The following COX6A1 variants were observed in gnomAD, a reference collection of about 807,000 sequenced individuals.
COX6A1 encodes cytochrome c oxidase subunit 6A1, also known as cytochrome c oxidase subunit 6A1, mitochondrial.
A neutral mutation model predicts 11.3 loss-of-function variants in COX6A1; 10 were observed. The ratio of observed to expected loss-of-function variants is 0.88; its 90% CI spans 0.54 to 1.50. The LOEUF (loss-of-function observed/expected upper bound fraction) is 1.50, where lower values mean the gene tolerates loss of function less well. Among genes scored for constraint, COX6A1 ranks in the 40% most tolerant of loss-of-function variants. The pLI, the probability that COX6A1 is intolerant of heterozygous loss-of-function variation, is 0.00. For synonymous variants in COX6A1, 81 were observed against 60.6 expected, an observed-to-expected ratio of 1.34 and a Z score of -1.57; for missense variants, 149 against 147.6, an observed-to-expected ratio of 1.01 and a Z score of -0.05.
intron 2 of COX6A1, 110 bp downstream of exon 2, chr12:120,438,631 T>G (rs964253250): frequency 2.1e-6 from 3 of 1,448,266 alleles, no homozygotes; most frequent in Non-Finnish European, 1.9e-6. Context: ...ACAGCTTGTT[T>G]ATCCTCACAA....
intron 2 of COX6A1, among the ~76,000 whole-genome samples, chr12:120,439,686 T>C (rs910994571): frequency 6.6e-6 from 1 of 152,208 alleles, no homozygotes; most frequent in East Asian, 1.9e-4. Flanking sequence ...GTTGAGTCTT[T>C]GAGCGGCACT....
Position 120,438,246 on chromosome 12 carries a change from C to T in COX6A1, c.103+17C>T, listed in dbSNP as rs777918110. On this transcript the variant is annotated intron_variant, in intron 1 of 2. Coordinates refer to ENST00000229379, the MANE Select transcript of COX6A1 (RefSeq NM_004373.4). ...AGGGCTCAGGTACTGGGGCCGGGGT[C>T]GACGGGTCGAGCCTCAGCCCCACTC... 7.4e-6 allele frequency: 12 copies of T among 1,612,228 alleles called. No homozygotes were observed. In the South Asian group the frequency reaches 1.2e-4, roughly 16 times the overall value.
rs755484880 is a variant in COX6A1 at position 120,438,227 on chromosome 12, C to T, written c.101C>T (p.Ser34Leu). ...AGTGGCGCCCATGGCGAAGAGGGCT[C>T]AGGTACTGGGGCCGGGGTCGACGGG... ...MSSGAHGEEG[S>L]ARMWKTLTFF... Residue 34 changes from serine (S) to leucine (L), a missense_variant and splice_region_variant, in exon 1 of 3, where the codon TCA becomes TTA. Transcript: ENST00000229379. 8.1e-6 allele frequency: 13 copies of T among 1,613,464 alleles called. No individual in the cohort carries two copies. The highest frequency in any genetic ancestry group is 1.3e-5 in the African/African-American group (1 of 74,940).
chr12:120,438,789 T>A (rs1232118857), intron 2 of COX6A1: 1 of 63,120 alleles, frequency 1.6e-5, no homozygotes, highest in Non-Finnish European at 3.3e-5. Context: ...GAGACAGTTC[T>A]TTTTTTTTTT....
intron 2 of COX6A1, among the ~76,000 whole-genome samples, chr12:120,439,289 G>A (rs1877656460): frequency 6.6e-6 from 1 of 152,218 alleles, no homozygotes; most frequent in South Asian, 2.1e-4. Flanking sequence ...CACTTTGGGA[G>A]GCCAAGGTGG....
At chr12:120,439,529 T>A (rs1344781782) in intron 2 of COX6A1, among the ~76,000 whole-genome samples, 1 of 151,732 alleles carries the variant, frequency 6.6e-6, no homozygotes, top group Non-Finnish European at 1.5e-5. Context: ...TGAAACTCCG[T>A]CTCAAAAAAA....
chr12:120,439,462 G>A (rs1026569165), intron 2 of COX6A1, among the ~76,000 whole-genome samples: 5 of 152,124 alleles, frequency 3.3e-5, no homozygotes, highest in Admixed American at 1.3e-4. Context: ...AACCCAGGAG[G>A]AGGAGGTTGC....
intron 2 of COX6A1, chr12:120,438,906 G>A (rs948619332): frequency 1.0e-5 from 2 of 195,620 alleles, no homozygotes; most frequent in Admixed American, 1.1e-4. Context: ...AAGGTGGTTC[G>A]CGTAAGCGAA....
chr12:120,440,274 C>T, intron 2 of COX6A1, 180 bp from the exon 3 acceptor site: 1 of 529,466 alleles, frequency 1.9e-6, no homozygotes. Context: ...ACTTTAAGGG[C>T]TCCCCTGGTA....
chr12:120,438,145 T>A lies in COX6A1; in HGVS notation c.19T>A (p.Ser7Thr), dbSNP rs567294603. The A allele has an allele frequency of 6.2e-6, 10 of 1,613,628 alleles. No homozygotes were observed. Among genetic ancestry groups the A allele is most frequent in the East Asian group, 2.2e-5 (1 of 44,884 alleles). The change falls in exon 1 of 3, where the codon TCC becomes ACC. Residue 7 changes from serine (S) to threonine (T), a missense_variant. Physicochemically the swap from Ser to Thr is moderately conservative, Grantham distance 58 (BLOSUM62 1). Transcript: ENST00000229379. MAVVGVSSVSRLLGRSR... is the reference protein window; with the variant it reads MAVVGVTSVSRLLGRSR... ...ATCAAAAATGGCGGTAGTTGGTGTG[T>A]CCTCGGTTTCTCGGCTGCTGGGTCG...
Position 120,438,634 on chromosome 12 carries a change from C to T in COX6A1, c.246+113C>T, listed in dbSNP as rs576122220. The T allele has an allele frequency of 6.5e-5, 92 of 1,424,204 alleles. 1 individual carries two copies. In the South Asian group the frequency reaches 9.4e-4, roughly 15 times the overall value. The allele number at this position is 1,424,204 out of a possible 1,614,324, so 88.2% of individuals were successfully genotyped here. On this transcript the variant is annotated intron_variant, in intron 2 of 2. Transcript: ENST00000229379. ...TGCCAGGCGTGTACAGCTTGTTTAT[C>T]CTCACAAACAGAAAATGTATTTTCT...
intron 2 of COX6A1, 95 bp downstream of exon 2, chr12:120,438,616 C>A: frequency 6.5e-7 from 1 of 1,534,936 alleles, no homozygotes; most frequent in Non-Finnish European, 9.0e-7. Flanking sequence ...GGGTGCCAGG[C>A]GTGTACAGCT....
rs777663466 is a variant in COX6A1 at position 120,440,509 on chromosome 12, C to T, written c.302C>T (p.Pro101Leu). Reference protein sequence around the residue: ...HTLFHNPHVNPLPTGYEDE With the variant: ...HTLFHNPHVNLLPTGYEDE ...CTATTCCATAACCCTCATGTGAATC[C>T]ACTTCCAACTGGCTACGAAGATGAA... Residue 101 changes from proline (P) to leucine (L), a missense_variant, in exon 3 of 3, where the codon CCA (proline) becomes CTA (leucine). Transcript: ENST00000229379. 2 of 1,612,572 alleles carry T rather than the reference C, an allele frequency of 1.2e-6. No homozygotes were observed. Among genetic ancestry groups the T allele is most frequent in the African/African-American group, 1.3e-5 (1 of 75,024 alleles).
At position 120,440,484 on chromosome 12, in the gene COX6A1, C is replaced by G. The variant is rs1402164963; in HGVS notation, c.277C>G (p.Leu93Val). ...TCCCTGGGGAGATGGTAACCATACTCTATTCCATAACCCTCATGTGAATCC... is the reference window on the plus strand; with the variant it reads ...TCCCTGGGGAGATGGTAACCATACTGTATTCCATAACCCTCATGTGAATCC... ...PFPWGDGNHT[L>V]FHNPHVNPLP... The change falls in exon 3 of 3, where the codon CTA (leucine) becomes GTA (valine). Residue 93 changes from leucine to valine, a missense_variant. Coordinates refer to ENST00000229379, the MANE Select transcript of COX6A1 (RefSeq NM_004373.4). 4 of 1,613,408 alleles carry G rather than the reference C, an allele frequency of 2.5e-6. No homozygotes were observed. The highest frequency in any genetic ancestry group is 2.5e-6 in the Non-Finnish European group (3 of 1,179,352).
At chr12:120,439,000 TGCACTCCGGCCTGG>T (rs1456892053) in intron 2 of COX6A1, among the ~76,000 whole-genome samples, 2 of 152,146 alleles carry the variant, frequency 1.3e-5, no homozygotes, top group African/African-American at 4.8e-5. Flanking sequence ...ATCGTGCCAC[TGCACTCCGGCCTGG>T]GCAACAGAGC....
chr12:120,439,571 A>G (rs1229018767), intron 2 of COX6A1, among the ~76,000 whole-genome samples: 2 of 152,116 alleles, frequency 1.3e-5, no homozygotes, highest in African/African-American at 4.8e-5. Context: ...CTTAGCCAAA[A>G]GGCCGAGAAG....
At chr12:120,440,400 T>C in intron 2 of COX6A1, 54 bp from the exon 3 acceptor site, 1 of 1,365,002 alleles carries the variant, frequency 7.3e-7, no homozygotes. Flanking sequence ...TTCATGACGG[T>C]GTTCTTTCTA....
intron 2 of COX6A1, among the ~76,000 whole-genome samples, chr12:120,439,522 A>G (rs920897371): frequency 6.6e-5 from 10 of 152,100 alleles, no homozygotes; most frequent in Admixed American, 2.6e-4. Context: ...ACAGGAGTGA[A>G]ACTCCGTCTC....
At chr12:120,438,813 T>A (rs1046746680) in intron 2 of COX6A1, 1 of 339,550 alleles carries the variant, frequency 2.9e-6, no homozygotes, top group Non-Finnish European at 5.4e-6. Context: ...TTTTTTTTTT[T>A]TACTTCTGAG....
Sources: allele counts gnomAD v4.1 joint callset (sites outside exome capture counted in the v4.1 genomes callset), GRCh38; gene constraint gnomAD v4.1.1; transcripts MANE v1.5; gene names NCBI Gene and HGNC (gene_info 2026-07-23, HGNC 2026-07-21).